DPP6: variants seen among roughly 807,000 people sequenced by gnomAD.
DPP6 encodes the protein A-type potassium channel modulatory protein DPP6.
A neutral mutation model predicts 122.6 loss-of-function variants in DPP6; 69 were observed. The observed-to-expected ratio is 0.56, with a 90% CI of 0.46 to 0.69. DPP6 has a LOEUF of 0.69. Ranked by LOEUF, DPP6 falls within the 30% of genes least tolerant of loss-of-function variation. The pLI is 0.00. For missense variants in DPP6, 928 were observed against 1,116.9 expected, an observed-to-expected ratio of 0.83 and a Z score of 2.41; for synonymous variants, 418 against 433.1, an observed-to-expected ratio of 0.97 and a Z score of 0.43.
chr7:154,194,237 G>T (rs905204641), intron 1 of DPP6, among the ~76,000 whole-genome samples: 1 of 152,162 alleles, frequency 6.6e-6, no homozygotes, highest in African/African-American at 2.4e-5. Context: ...GGTGTTTGCA[G>T]GTGCAAGGCA....
At chr7:154,565,817 G>A (rs1350681844) in intron 4 of DPP6, among the ~76,000 whole-genome samples, 3 of 152,054 alleles carry the variant, frequency 2.0e-5, no homozygotes, top group East Asian at 1.9e-4. Context: ...GAGCCACTGC[G>A]CCCAGCCAAT....
chr7:154,824,823 C>G (rs890840083), intron 16 of DPP6, among the ~76,000 whole-genome samples: 28 of 152,068 alleles, frequency 1.8e-4, no homozygotes, highest in Non-Finnish European at 3.4e-4. Flanking sequence ...CCCACTGCAG[C>G]CAGAAAGGAA....
At chr7:154,390,930 G>T (rs988289872) in intron 1 of DPP6, among the ~76,000 whole-genome samples, 10 of 152,070 alleles carry the variant, frequency 6.6e-5, no homozygotes, top group Admixed American at 5.2e-4. Context: ...TCGTACAGTC[G>T]TCAGAAGGGT....
intron 1 of DPP6, chr7:154,058,871 G>A (rs900511679): frequency 1.4e-5 from 2 of 148,026 alleles, no homozygotes; most frequent in Admixed American, 1.3e-4. Context: ...CGCAGGTGGG[G>A]AGGCACCCCC....
At chr7:154,294,138 C>T (rs953045859) in intron 1 of DPP6, among the ~76,000 whole-genome samples, 1 of 152,216 alleles carries the variant, frequency 6.6e-6, no homozygotes, top group African/African-American at 2.4e-5. Flanking sequence ...AACCCTTTAT[C>T]TTACCTGGTC....
At chr7:154,391,845 C>T (rs543908019) in intron 1 of DPP6, among the ~76,000 whole-genome samples, 4 of 152,240 alleles carry the variant, frequency 2.6e-5, no homozygotes, top group African/African-American at 4.8e-5. Flanking sequence ...CTTTAGGTCT[C>T]GGAGATCAGT....
At chr7:154,020,742 T>G (rs541772296) in intron 1 of DPP6, among the ~76,000 whole-genome samples, 1 of 152,204 alleles carries the variant, frequency 6.6e-6, no homozygotes, top group South Asian at 2.1e-4. Flanking sequence ...ACCTGCTATG[T>G]AACACATGGG....
chr7:154,821,651 T>TATATATATATACACATATATATATACAC lies in DPP6; in HGVS notation c.1666+14550_1666+14551insCACATATATATATACACATATATATATA, dbSNP rs1799782319. Among the ~76,000 whole-genome samples the TATATATATATACACATATATATATACAC allele has an allele frequency of 3.5e-4, 3 of 8,524 alleles. No individual in the cohort carries two copies. The highest frequency in any genetic ancestry group is 1.3e-3 in the Admixed American group (1 of 748). The allele number at this position is 8,524 out of a possible 152,430, so 5.6% of individuals were successfully genotyped here. A position where few individuals can be genotyped will look rare whatever the true frequency, so the allele number is the denominator to read the frequency against. On this transcript the variant is annotated intron_variant, in intron 16 of 25. Coordinates refer to ENST00000377770, the MANE Select transcript of DPP6 (RefSeq NM_130797.4). The surrounding 1 kb of genome is among the most constrained non-coding windows in gnomAD (Gnocchi z 4.2). The stretch of plus-strand genomic sequence containing the variant: ...CTGTATATATATATATATATACACA[T>TATATATATATACACATATATATATACAC]ATATATATATATACACATATATATA...
chr7:153,964,452 T>C (rs10231807), intron 1 of DPP6, among the ~76,000 whole-genome samples: 8,372 of 150,884 alleles, frequency 0.055, 779 homozygotes, highest in African/African-American at 0.19. Flanking sequence ...CTAGCAGCAC[T>C]GGCCATCTAC....
rs940161549 is a variant in DPP6, at chr7:154,146,400, G to C, written c.243+93337G>C. ...CAAAATAGATCCCACAGCACTTCCTGTGTACCCTGATACCTAACAAAATGT... is the reference window on the plus strand; with the variant it reads ...CAAAATAGATCCCACAGCACTTCCTCTGTACCCTGATACCTAACAAAATGT... On this transcript the variant is annotated intron_variant, in intron 1 of 25. Coordinates refer to ENST00000377770, the MANE Select transcript of DPP6 (RefSeq NM_130797.4). Among the ~76,000 whole-genome samples the C allele has an allele frequency of 2.1e-4, 31 of 145,628 alleles. 1 individual carries two copies. The highest frequency in any genetic ancestry group is 1.2e-3 in the South Asian group (5 of 4,124).
chr7:154,241,183 A>ATG lies in DPP6; in HGVS notation c.243+188121_243+188122insGT, dbSNP rs1554498746. On this transcript the variant is annotated intron_variant, in intron 1 of 25. Transcript: ENST00000377770. The surrounding 1 kb of genome is among the most constrained non-coding windows in gnomAD (Gnocchi z 9.0). ...CTGCACAGTAGGTAATTCAATATCA[A>ATG]TATGTGTGTGTGTGTGTGTGTGTGT... Among the ~76,000 whole-genome samples the ATG allele has an allele frequency of 1.4e-4, 5 of 35,532 alleles. No homozygotes were observed. Among genetic ancestry groups the ATG allele is most frequent in the Non-Finnish European group, 3.3e-4 (5 of 15,068 alleles). 23.3% of individuals were successfully genotyped at this position (35,532 alleles called of 152,430 possible).
intron 8 of DPP6, among the ~76,000 whole-genome samples, chr7:154,745,923 A>G (rs1351593911): frequency 6.6e-6 from 1 of 152,102 alleles, no homozygotes; most frequent in Admixed American, 6.6e-5. Context: ...CCCCACCTCC[A>G]ACATTGGGGA....
At chr7:154,709,385 G>T (rs56931970) in intron 7 of DPP6, among the ~76,000 whole-genome samples, 2 of 151,728 alleles carry the variant, frequency 1.3e-5, no homozygotes, top group Non-Finnish European at 2.9e-5. Flanking sequence ...TGTTGTTGTC[G>T]TTGCTATTTG....
chr7:154,351,981 G>C (rs1373866656), intron 1 of DPP6, among the ~76,000 whole-genome samples: 1 of 152,104 alleles, frequency 6.6e-6, no homozygotes, highest in Non-Finnish European at 1.5e-5. Flanking sequence ...TGGCCGACCA[G>C]CCTGCTCCTA....
At chr7:154,683,055 G>T (rs931139553) in intron 7 of DPP6, among the ~76,000 whole-genome samples, 4 of 152,120 alleles carry the variant, frequency 2.6e-5, no homozygotes, top group Admixed American at 1.3e-4. Context: ...GCAAATTAGT[G>T]AATTGATTTT....
chr7:154,413,958 A>T (rs759627959), intron 1 of DPP6, among the ~76,000 whole-genome samples: 35 of 152,320 alleles, frequency 2.3e-4, no homozygotes, highest in Admixed American at 6.5e-4. Flanking sequence ...TTGAACTTTA[A>T]AAAAAGATAT....
intron 3 of DPP6, among the ~76,000 whole-genome samples, chr7:154,530,129 G>T (rs112004889): frequency 9.6e-6 from 1 of 104,320 alleles, no homozygotes; most frequent in Non-Finnish European, 2.1e-5. Context: ...TGTCTCAAAA[G>T]AAAAAAAAAA....
intron 5 of DPP6, among the ~76,000 whole-genome samples, chr7:154,575,193 G>A (rs1831485902): frequency 8.0e-6 from 1 of 124,922 alleles, no homozygotes; most frequent in Non-Finnish European, 1.7e-5. Flanking sequence ...TGTGTGTGGT[G>A]TGTGTGGTGT....
chr7:154,621,856 C>A (rs1239824277), intron 5 of DPP6, among the ~76,000 whole-genome samples: 1 of 152,190 alleles, frequency 6.6e-6, no homozygotes, highest in African/African-American at 2.4e-5. Flanking sequence ...CCACCCAACA[C>A]TGGCACATGA....
Sources: allele counts gnomAD v4.1 joint callset (sites outside exome capture counted in the v4.1 genomes callset), GRCh38; gene constraint gnomAD v4.1.1; non-coding constraint Gnocchi (gnomAD v3.1); transcripts MANE v1.5; gene names NCBI Gene and HGNC (gene_info 2026-07-23, HGNC 2026-07-21).